SNTG1: variants seen among roughly 807,000 people sequenced by gnomAD.
SNTG1 encodes gamma-1-syntrophin.
Under a neutral mutation model 74.7 loss-of-function variants are expected in SNTG1, and 39 were observed. The observed-to-expected ratio is 0.52, with a 90% CI of 0.40 to 0.68. The LOEUF (loss-of-function observed/expected upper bound fraction) is 0.68. SNTG1 is among the 30% of genes least tolerant of loss of function. The pLI is 0.00. For synonymous variants in SNTG1, 254 were observed against 217.1 expected, an observed-to-expected ratio of 1.17 and a Z score of -1.49; for missense variants, 685 against 609.5, an observed-to-expected ratio of 1.12 and a Z score of -1.30.
chr8:50,095,250 C>A (rs1485296648), intron 1 of SNTG1, among the ~76,000 whole-genome samples: 2 of 152,114 alleles, frequency 1.3e-5, no homozygotes, highest in Admixed American at 1.3e-4. Context: ...CACCAAACCC[C>A]AGCAATGCAT....
intron 1 of SNTG1, among the ~76,000 whole-genome samples, chr8:49,946,318 A>T (rs987209614): frequency 1.3e-5 from 2 of 152,192 alleles, no homozygotes; most frequent in African/African-American, 2.4e-5. Context: ...AAATATTGTA[A>T]ATAACTTTGT....
At chr8:50,052,482 T>C (rs1242868237) in intron 1 of SNTG1, among the ~76,000 whole-genome samples, 1 of 152,076 alleles carries the variant, frequency 6.6e-6, no homozygotes, top group East Asian at 1.9e-4. Context: ...TATAGGAAAA[T>C]GTAAGAATAA....
chr8:50,248,193 G>A (rs1229365926), intron 2 of SNTG1, among the ~76,000 whole-genome samples: 1 of 152,140 alleles, frequency 6.6e-6, no homozygotes, highest in Non-Finnish European at 1.5e-5. Flanking sequence ...GGAACGAGGA[G>A]TTAGGACTTC....
At chr8:50,181,635 A>G (rs1415856612) in intron 2 of SNTG1, among the ~76,000 whole-genome samples, 1 of 152,214 alleles carries the variant, frequency 6.6e-6, no homozygotes, top group Non-Finnish European at 1.5e-5. Flanking sequence ...GTATACTGTG[A>G]TAATATTTAA....
chr8:50,027,783 G>T (rs1177923718), intron 1 of SNTG1, among the ~76,000 whole-genome samples: 1 of 152,224 alleles, frequency 6.6e-6, no homozygotes, highest in East Asian at 1.9e-4. Context: ...ACAATTCATT[G>T]TAAATAGCAC....
chr8:50,090,852 G>C (rs2079704575), intron 1 of SNTG1, among the ~76,000 whole-genome samples: 1 of 152,110 alleles, frequency 6.6e-6, no homozygotes, highest in African/African-American at 2.4e-5. Flanking sequence ...TTGAAGGTAG[G>C]AAAAGAAATA....
chr8:50,634,144 G>T (rs1030637870), intron 13 of SNTG1, among the ~76,000 whole-genome samples: 4 of 152,152 alleles, frequency 2.6e-5, no homozygotes, highest in African/African-American at 9.7e-5. Flanking sequence ...CTCCACAGTG[G>T]ACAAACACAA....
At chr8:50,477,909 C>T (rs1049931919) in intron 8 of SNTG1, among the ~76,000 whole-genome samples, 2 of 151,970 alleles carry the variant, frequency 1.3e-5, no homozygotes, top group African/African-American at 2.4e-5. Flanking sequence ...GTCAGCTCTT[C>T]GAGAGTGAAA....
chr8:50,190,429 G>A (rs1352642479), intron 2 of SNTG1, among the ~76,000 whole-genome samples: 1 of 151,978 alleles, frequency 6.6e-6, no homozygotes, highest in Non-Finnish European at 1.5e-5. Context: ...TAAGTCTATT[G>A]TTGATAACAT....
chr8:50,181,168 A>G (rs935914462), intron 2 of SNTG1, among the ~76,000 whole-genome samples: 6 of 152,084 alleles, frequency 3.9e-5, no homozygotes, highest in African/African-American at 1.4e-4. Flanking sequence ...CCAGGCCAGC[A>G]TTGTTGGTGG....
intron 12 of SNTG1, among the ~76,000 whole-genome samples, chr8:50,575,454 T>C (rs901551605): frequency 2.0e-5 from 3 of 152,196 alleles, no homozygotes; most frequent in African/African-American, 7.2e-5. Context: ...GGGTGGCATC[T>C]TGAGTGACTG....
chr8:50,111,705 C>T (rs2080598681), intron 1 of SNTG1, among the ~76,000 whole-genome samples: 2 of 152,068 alleles, frequency 1.3e-5, no homozygotes, highest in South Asian at 4.1e-4. Context: ...TCAGTATTTA[C>T]CAAGGCCCAG....
intron 4 of SNTG1, among the ~76,000 whole-genome samples, chr8:50,408,679 A>G (rs771698106): frequency 1.3e-5 from 2 of 152,210 alleles, no homozygotes; most frequent in Non-Finnish European, 2.9e-5. Context: ...AGCTCCAGTC[A>G]GGCAAAATGT....
intron 8 of SNTG1, among the ~76,000 whole-genome samples, chr8:50,494,122 C>A (rs905057491): frequency 6.7e-6 from 1 of 148,590 alleles, no homozygotes; most frequent in Non-Finnish European, 1.5e-5. Flanking sequence ...TGTATATATA[C>A]ACACACACAC....
At chr8:50,028,534 A>G (rs1043806248) in intron 1 of SNTG1, among the ~76,000 whole-genome samples, 3 of 148,248 alleles carry the variant, frequency 2.0e-5, no homozygotes, top group Non-Finnish European at 4.5e-5. Context: ...AAAACTGCCA[A>G]TGTATTTTCA....
intron 2 of SNTG1, among the ~76,000 whole-genome samples, chr8:50,224,202 A>C (rs1419835972): frequency 6.6e-6 from 1 of 152,236 alleles, no homozygotes; most frequent in Admixed American, 6.5e-5. Flanking sequence ...ATATCACATT[A>C]GTGGAAATAT....
chr8:50,492,369 G>A (rs568146174), intron 8 of SNTG1, among the ~76,000 whole-genome samples: 18 of 152,246 alleles, frequency 1.2e-4, no homozygotes, highest in Admixed American at 2.0e-4. Context: ...AAAAGCAAGC[G>A]TTCCTACTTC....
At chr8:50,242,394 G>A (rs1354836918) in intron 2 of SNTG1, among the ~76,000 whole-genome samples, 4 of 151,820 alleles carry the variant, frequency 2.6e-5, no homozygotes, top group Admixed American at 6.6e-5. Flanking sequence ...TGGGCATGGT[G>A]GTGTGTGCCT....
chr8:50,766,409 T>C lies in SNTG1; in HGVS notation c.1395+14298T>C, dbSNP rs372968204. On this transcript the variant is annotated intron_variant, in intron 18 of 18. Transcript: ENST00000642720. Reference sequence around the variant, plus strand: ...GCCTTGCTTACTGCTGATTTGGGAATAATAATTGAAGGCTATCATTTTCAC... The same window carrying C: ...GCCTTGCTTACTGCTGATTTGGGAACAATAATTGAAGGCTATCATTTTCAC... 1.4e-4 allele frequency among the ~76,000 whole-genome samples: 22 copies of C among 152,112 alleles called. No homozygotes were observed. The East Asian group carries it at 1.9e-3, about 13-fold the overall frequency.
Sources: allele counts gnomAD v4.1 joint callset (sites outside exome capture counted in the v4.1 genomes callset), GRCh38; gene constraint gnomAD v4.1.1; transcripts MANE v1.5; gene names NCBI Gene and HGNC (gene_info 2026-07-23, HGNC 2026-07-21).